ADD3: variants seen among roughly 807,000 people sequenced by gnomAD.
ADD3 encodes gamma-adducin.
A neutral mutation model predicts 80.2 loss-of-function variants in ADD3; 25 were observed. The observed-to-expected ratio is 0.31, with a 90% confidence interval of 0.23 to 0.44. The LOEUF (loss-of-function observed/expected upper bound fraction) is 0.44. Among genes scored for constraint, ADD3 ranks in the 20% least tolerant of loss-of-function variants. ADD3 has a pLI of 1.00. For missense variants in ADD3, 829 were observed against 847.5 expected (o/e 0.98, Z 0.27); for synonymous variants, 284 against 289.6 (o/e 0.98, Z 0.20).
chr10:110,046,718 A>G (rs1476427591), intron 1 of ADD3, among the ~76,000 whole-genome samples: 1 of 152,136 alleles, frequency 6.6e-6, no homozygotes, highest in African/African-American at 2.4e-5. Context: ...TTGCCTCACT[A>G]AGGTAGTGGT....
intron 1 of ADD3, among the ~76,000 whole-genome samples, chr10:110,087,629 A>G (rs1298030013): frequency 6.6e-6 from 1 of 152,212 alleles, no homozygotes; most frequent in African/African-American, 2.4e-5. Flanking sequence ...GTTGCATTGT[A>G]CTTATGTATA....
At chr10:110,040,952 CTG>C (rs1187336910) in intron 1 of ADD3, among the ~76,000 whole-genome samples, 2 of 22,472 alleles carry the variant, frequency 8.9e-5, no homozygotes, top group Non-Finnish European at 2.8e-4. Flanking sequence ...CTCGCTCTCT[CTG>C]TCTCTCTCTG....
intron 1 of ADD3, among the ~76,000 whole-genome samples, chr10:109,998,644 G>T (rs1245014234): frequency 6.6e-6 from 1 of 152,076 alleles, no homozygotes; most frequent in Non-Finnish European, 1.5e-5. Context: ...CCTGTCTTGG[G>T]CCTCTCTCCT....
At chr10:110,032,943 G>A (rs955595765) in intron 1 of ADD3, among the ~76,000 whole-genome samples, 1 of 152,154 alleles carries the variant, frequency 6.6e-6, no homozygotes, top group Admixed American at 6.5e-5. Flanking sequence ...AAATTAAATA[G>A]CCAATTTAAA....
At chr10:110,062,765 G>A (rs966222679) in intron 1 of ADD3, among the ~76,000 whole-genome samples, 3 of 152,110 alleles carry the variant, frequency 2.0e-5, no homozygotes, top group Admixed American at 1.3e-4. Context: ...CATTCTACCA[G>A]CAGATACGTT....
At chr10:110,053,820 A>G (rs922017367) in intron 1 of ADD3, among the ~76,000 whole-genome samples, 8 of 152,312 alleles carry the variant, frequency 5.3e-5, no homozygotes, top group East Asian at 1.9e-4. Flanking sequence ...ATGGAAGGCA[A>G]TTTGTCAGAG....
intron 2 of ADD3, among the ~76,000 whole-genome samples, chr10:110,109,994 C>T (rs929913569): frequency 1.5e-4 from 23 of 152,130 alleles, no homozygotes; most frequent in Admixed American, 8.5e-4. Context: ...AACTAGATAC[C>T]GGCAATAGAA....
At chr10:110,117,685 T>TG (rs1850916222) in intron 5 of ADD3, among the ~76,000 whole-genome samples, 1 of 151,146 alleles carries the variant, frequency 6.6e-6, no homozygotes, top group Non-Finnish European at 1.5e-5. Context: ...TTTACCACCC[T>TG]ATACACTCAG....
chr10:110,003,446 T>C (rs1851528144), upstream of ADD3, among the ~76,000 whole-genome samples: 1 of 152,164 alleles, frequency 6.6e-6, no homozygotes, highest in Non-Finnish European at 1.5e-5. Context: ...TTTAAATACA[T>C]TTGCCTATAA....
intron 1 of ADD3, among the ~76,000 whole-genome samples, chr10:110,034,194 A>G (rs1855376890): frequency 6.6e-6 from 1 of 152,116 alleles, no homozygotes; most frequent in South Asian, 2.1e-4. Context: ...TTTTGGAACT[A>G]CTACAATTAA....
intron 1 of ADD3, chr10:110,077,234 G>A (rs1845472512): frequency 6.6e-6 from 1 of 152,010 alleles, no homozygotes; most frequent in African/African-American, 2.4e-5. Context: ...ATTCTTCTTT[G>A]GGAGGAGCCT....
At chr10:110,106,194 A>G (rs1277663584) in intron 2 of ADD3, 4 of 151,626 alleles carry the variant, frequency 2.6e-5, no homozygotes, top group African/African-American at 7.3e-5. Context: ...ATTTTGAGGT[A>G]AAACATCCAG....
Position 110,134,794 on chromosome 10 carries a change from T to G in ADD3, c.*1176T>G, listed in dbSNP as rs1853476066. 2 of 152,640 alleles carry G rather than the reference T, an allele frequency of 1.3e-5. No homozygotes were observed. The highest frequency in any genetic ancestry group is 4.1e-4 in the South Asian group (2 of 4,836). 9.5% of individuals were successfully genotyped at this position (152,640 alleles called of 1,614,324 possible). On this transcript the variant is annotated 3_prime_UTR_variant, in exon 15 of 15. Coordinates refer to ENST00000356080, the MANE Select transcript of ADD3 (RefSeq NM_016824.5). The stretch of plus-strand genomic sequence containing the variant: ...TCTTTCTTGGTTGATATTTGAGTTT[T>G]AAAAGGGTCAAATCTTTCTAATTTT...
chr10:110,041,457 T>C (rs1287818258), intron 1 of ADD3, among the ~76,000 whole-genome samples: 1 of 152,178 alleles, frequency 6.6e-6, no homozygotes, highest in Non-Finnish European at 1.5e-5. Context: ...TTGAATAAGG[T>C]ATCAGACCCC....
upstream of ADD3, among the ~76,000 whole-genome samples, chr10:110,003,046 A>G (rs964101428): frequency 1.3e-5 from 2 of 152,232 alleles, no homozygotes; most frequent in Admixed American, 1.3e-4. Context: ...TGTATGCAGC[A>G]TGGCCAAGTT....
intron 13 of ADD3, among the ~76,000 whole-genome samples, chr10:110,131,448 A>G (rs1048322195): frequency 6.6e-5 from 10 of 152,206 alleles, no homozygotes; most frequent in Non-Finnish European, 1.5e-5. Context: ...CCTGTCACCC[A>G]AAAAGAGGGT....
intron 9 of ADD3, among the ~76,000 whole-genome samples, chr10:110,122,676 C>T (rs1330002931): frequency 2.7e-5 from 4 of 150,792 alleles, no homozygotes; most frequent in Non-Finnish European, 5.9e-5. Context: ...CTTGGAGTGC[C>T]GTGACACAAT....
chr10:110,044,338 CT>C (rs1240748836), intron 1 of ADD3, among the ~76,000 whole-genome samples: 1 of 152,114 alleles, frequency 6.6e-6, no homozygotes, highest in Non-Finnish European at 1.5e-5. Context: ...GTCTTCTGGC[CT>C]ATTAGACCAT....
intron 1 of ADD3, among the ~76,000 whole-genome samples, chr10:110,027,316 G>C (rs1251280182): frequency 6.6e-6 from 1 of 152,138 alleles, no homozygotes; most frequent in Non-Finnish European, 1.5e-5. Flanking sequence ...AGGTTGAGTA[G>C]CTAGAACTAC....
Sources: allele counts gnomAD v4.1 joint callset (sites outside exome capture counted in the v4.1 genomes callset), GRCh38; gene constraint gnomAD v4.1.1; transcripts MANE v1.5; gene names NCBI Gene and HGNC (gene_info 2026-07-23, HGNC 2026-07-21).